Variants in PAK1 observed in about 807,000 individuals in gnomAD.
PAK1 encodes serine/threonine-protein kinase PAK 1.
PAK1 carries 29 observed loss-of-function variants against 67.4 expected under a neutral mutation model. The ratio of observed to expected loss-of-function variants is 0.43; its 90% confidence interval spans 0.32 to 0.59. PAK1 has a LOEUF of 0.59. Ranked by LOEUF, PAK1 falls within the 20% of genes least tolerant of loss-of-function variation. PAK1 has a pLI of 0.07. For synonymous variants in PAK1, 223 were observed against 237.4 expected, an observed-to-expected ratio of 0.94 and a Z score of 0.56; for missense variants, 337 against 670.7, an observed-to-expected ratio of 0.50 and a Z score of 5.50.
chr11:77,476,449 C>T (rs1017949872), upstream of PAK1: 1 of 152,126 alleles, frequency 6.6e-6, no homozygotes, highest in Non-Finnish European at 1.5e-5. Context: ...ACATTCCAAT[C>T]CCTGGGAACT....
At chr11:77,515,756 TACA>T in the PAK1 span, among the ~76,000 whole-genome samples, 1 of 152,254 alleles carries the variant, frequency 6.6e-6, no homozygotes, top group Non-Finnish European at 1.5e-5. Context: ...AGGGGATGTT[TACA>T]ACAAGTGTCT....
chr11:77,449,088 G>C (rs1209502315), intron 1 of PAK1, among the ~76,000 whole-genome samples: 1 of 152,170 alleles, frequency 6.6e-6, no homozygotes, highest in Non-Finnish European at 1.5e-5. Context: ...CAGAAAGCTC[G>C]AAAGAGAAAC....
chr11:77,322,851 G>A lies in PAK1; in HGVS notation c.*423C>T, dbSNP rs1321949744. 4.2e-6 allele frequency: 2 copies of A among 480,122 alleles called. No individual in the cohort carries two copies. Among genetic ancestry groups the A allele is most frequent in the South Asian group, 2.7e-5 (1 of 37,396 alleles). The allele number at this position is 480,122 out of a possible 1,614,324, so 29.7% of individuals were successfully genotyped here. A position where few individuals can be genotyped will look rare whatever the true frequency, so the allele number is the denominator to read the frequency against. On this transcript the variant is annotated 3_prime_UTR_variant, in exon 15 of 15. Coordinates refer to ENST00000356341, the MANE Select transcript of PAK1 (RefSeq NM_002576.5). ...AGTACAATGAGGTGTCTGGGCAGTT[G>A]AGTCACAGAAAAGCAAGCACTAAAG...
chr11:77,324,326 C>T (rs985583311), intron 14 of PAK1, among the ~76,000 whole-genome samples: 1 of 151,994 alleles, frequency 6.6e-6, no homozygotes, highest in Non-Finnish European at 1.5e-5. Flanking sequence ...GCGCCCGCCA[C>T]CACACCTGGC....
intron 5 of PAK1, among the ~76,000 whole-genome samples, chr11:77,368,852 G>A (rs753371653): frequency 2.0e-5 from 3 of 152,086 alleles, no homozygotes; most frequent in Admixed American, 6.5e-5. Context: ...GTGAGCCACC[G>A]CGCCTGGCCG....
intron 10 of PAK1, among the ~76,000 whole-genome samples, chr11:77,341,374 CAT>C (rs1943575395): frequency 6.6e-6 from 1 of 152,192 alleles, no homozygotes; most frequent in Non-Finnish European, 1.5e-5. Context: ...GTGTTGTATA[CAT>C]AGTCATTATG....
intron 14 of PAK1, among the ~76,000 whole-genome samples, chr11:77,325,701 TAA>T (rs1939650454): frequency 1.3e-5 from 2 of 152,328 alleles, no homozygotes; most frequent in Middle Eastern, 3.4e-3. Context: ...TACATTGTAC[TAA>T]GAGACTTTTA....
chr11:77,507,168 C>G, the PAK1 span, among the ~76,000 whole-genome samples: 14 of 152,288 alleles, frequency 9.2e-5, no homozygotes, highest in African/African-American at 3.4e-4. Context: ...GTTGTAAAGA[C>G]AGAGCTCTGG....
chr11:77,529,620 A>G, the PAK1 span, among the ~76,000 whole-genome samples: 60 of 152,324 alleles, frequency 3.9e-4, no homozygotes, highest in African/African-American at 1.4e-4. Flanking sequence ...AATCACCTAC[A>G]TGTAACAGAG....
intron 1 of PAK1, among the ~76,000 whole-genome samples, chr11:77,393,777 C>CGGAT (rs1215403971): frequency 2.0e-5 from 3 of 152,016 alleles, no homozygotes; most frequent in Non-Finnish European, 4.4e-5. Flanking sequence ...CAAAGGCAGG[C>CGGAT]GGATCACTTG....
At chr11:77,488,033 G>A in the PAK1 span, among the ~76,000 whole-genome samples, 1 of 152,196 alleles carries the variant, frequency 6.6e-6, no homozygotes, top group African/African-American at 2.4e-5. Context: ...TCACAGAGGT[G>A]CTTGTATCAC....
chr11:77,374,842 T>C (rs1009704928), intron 4 of PAK1, among the ~76,000 whole-genome samples: 3 of 152,042 alleles, frequency 2.0e-5, no homozygotes, highest in Admixed American at 6.5e-5. Context: ...TATCTAAACA[T>C]AGAAAAGGTA....
intron 1 of PAK1, among the ~76,000 whole-genome samples, chr11:77,437,231 G>GT (rs1457900236): frequency 6.6e-6 from 1 of 152,156 alleles, no homozygotes; most frequent in Non-Finnish European, 1.5e-5. Flanking sequence ...CAGAGTGATT[G>GT]TAAGTATTAA....
intron 5 of PAK1, among the ~76,000 whole-genome samples, chr11:77,373,531 G>A (rs201980278): frequency 7.0e-5 from 10 of 142,680 alleles, no homozygotes; most frequent in East Asian, 6.1e-4. Flanking sequence ...TTGCACTCCC[G>A]CCTGGGCAAC....
intron 1 of PAK1, among the ~76,000 whole-genome samples, chr11:77,451,142 C>G (rs923358224): frequency 1.3e-5 from 2 of 152,158 alleles, no homozygotes; most frequent in Non-Finnish European, 2.9e-5. Context: ...TTCCAGCCAC[C>G]ACTTTGATTC....
At position 77,374,324 on chromosome 11, in the gene PAK1, T is replaced by C. The variant is rs202122535; in HGVS notation, c.477+4A>G. On this transcript the variant is annotated splice_donor_region_variant and intron_variant, in intron 5 of 14. Transcript: ENST00000356341. ...ACATCAAAATAGAGTAAATAAAGAC[T>C]TACCAAGGCATTAGAAGAATTGTAA... 3 of 1,573,910 alleles carry C rather than the reference T, an allele frequency of 1.9e-6. No homozygotes were observed. Among genetic ancestry groups the C allele is most frequent in the South Asian group, 2.2e-5 (2 of 90,236 alleles).
intron 1 of PAK1, among the ~76,000 whole-genome samples, chr11:77,423,264 GAC>G (rs1955369290): frequency 1.3e-5 from 2 of 149,696 alleles, no homozygotes; most frequent in African/African-American, 4.9e-5. Flanking sequence ...ATGAAAGGAA[GAC>G]TGAGAATATT....
intron 8 of PAK1, 124 bp from the exon 9 acceptor site, chr11:77,349,411 C>T: frequency 2.7e-6 from 2 of 735,626 alleles, no homozygotes; most frequent in South Asian, 3.1e-5. Flanking sequence ...AAATAATCCT[C>T]TCCCTGCAGC....
At chr11:77,494,888 G>T in the PAK1 span, among the ~76,000 whole-genome samples, 4 of 152,208 alleles carry the variant, frequency 2.6e-5, no homozygotes, top group Middle Eastern at 0.014. Context: ...ATTAGGCTGG[G>T]CGCGGTGGCT....
Sources: allele counts gnomAD v4.1 joint callset (sites outside exome capture counted in the v4.1 genomes callset), GRCh38; gene constraint gnomAD v4.1.1; transcripts MANE v1.5; gene names NCBI Gene and HGNC (gene_info 2026-07-23, HGNC 2026-07-21).